Variants in EPAS1 observed in about 807,000 individuals in gnomAD.
The protein encoded by EPAS1 is endothelial PAS domain protein 1.
EPAS1 carries 23 observed loss-of-function variants against 87.9 expected under a neutral mutation model. The observed-to-expected ratio is 0.26, with a 90% CI of 0.19 to 0.37. The LOEUF (loss-of-function observed/expected upper bound fraction) is 0.37, where lower values mean the gene tolerates loss of function less well. Ranked by LOEUF, EPAS1 falls within the 10% of genes least tolerant of loss-of-function variation. The pLI, the probability that EPAS1 is intolerant of heterozygous loss-of-function variation, is 1.00. For synonymous variants in EPAS1, 508 were observed against 444.3 expected (o/e 1.14, Z -1.80); for missense variants, 1,138 against 1,120.7 (o/e 1.02, Z -0.22).
At chr2:46,377,826 G>T in intron 9 of EPAS1, 68 bp from the exon 10 acceptor site, 1 of 1,551,258 alleles carries the variant, frequency 6.4e-7, no homozygotes. Flanking sequence ...GCGGTTTTTG[G>T]GCCTCCTCTG....
chr2:46,349,122 G>A (rs1684092188), intron 2 of EPAS1, among the ~76,000 whole-genome samples: 2 of 152,182 alleles, frequency 1.3e-5, no homozygotes, highest in Admixed American at 1.3e-4. Flanking sequence ...TGCTGACAAG[G>A]GCTGGGGTAT....
intron 1 of EPAS1, chr2:46,335,601 T>A (rs1298815073): frequency 6.6e-6 from 1 of 152,106 alleles, no homozygotes; most frequent in Non-Finnish European, 1.5e-5. Flanking sequence ...TGTGGAGCAA[T>A]CTTTTGGGTA....
rs1300207330 is a variant in EPAS1 at position 46,384,901 on chromosome 2, AT to A, written c.*248del. Reference sequence around the variant, plus strand: ...CTGAAATGTTCTTAAATTTTGTAGGATTTTTTTCCTCCCCACCTTCAATGAC... The same window carrying A: ...CTGAAATGTTCTTAAATTTTGTAGGATTTTTTCCTCCCCACCTTCAATGAC... On this transcript the variant is annotated 3_prime_UTR_variant, in exon 16 of 16. Coordinates refer to ENST00000263734, the MANE Select transcript of EPAS1 (RefSeq NM_001430.5). 3 of 559,186 alleles carry A rather than the reference AT, an allele frequency of 5.4e-6. No homozygotes were observed. Among genetic ancestry groups the A allele is most frequent in the Non-Finnish European group, 9.5e-6 (3 of 315,866 alleles). The allele number at this position is 559,186 out of a possible 1,614,324, so 34.6% of individuals were successfully genotyped here.
At chr2:46,323,649 C>G (rs1340824613) in intron 1 of EPAS1, among the ~76,000 whole-genome samples, 3 of 152,230 alleles carry the variant, frequency 2.0e-5, no homozygotes, top group African/African-American at 7.2e-5. Flanking sequence ...GTCCCAAAGT[C>G]ATCCACAGAT....
In EPAS1 at chr2:46,380,746, C is replaced by T. The variant is rs754650159; in HGVS notation, c.2045+29C>T. 2 of 1,603,668 alleles carry T rather than the reference C, an allele frequency of 1.2e-6. No homozygotes were observed. The highest frequency in any genetic ancestry group is 8.5e-7 in the Non-Finnish European group (1 of 1,179,960). On this transcript the variant is annotated intron_variant, in intron 12 of 15. Transcript: ENST00000263734. This position sits in a 1 kb window ranked among gnomAD's most constrained non-coding sequence, Gnocchi z 4.4. ...AGTGGCAGATACTCAGCTGTACCAG[C>T]AGGGCCGAACCGAGAGGCACCCACT...
rs1442205062 is a variant in EPAS1, at chr2:46,369,830, C to G, written c.783C>G (p.Ile261Met). ...DMKFTYCDDR[I>M]TELIGYHPEE... Reference sequence around the variant, plus strand: ...TGCTGCCTTTTTAAAAACTCAGAATCACAGAACTGATTGGTTACCACCCTG... The same window carrying G: ...TGCTGCCTTTTTAAAAACTCAGAATGACAGAACTGATTGGTTACCACCCTG... Residue 261 changes from isoleucine to methionine, a missense_variant, in exon 7 of 16, where the codon ATC becomes ATG. Transcript: ENST00000263734. 3 of 1,612,016 alleles carry G rather than the reference C, an allele frequency of 1.9e-6. No homozygotes were observed. The highest frequency in any genetic ancestry group is 2.2e-5 in the South Asian group (2 of 90,516).
chr2:46,321,748 A>C (rs573375532), intron 1 of EPAS1, among the ~76,000 whole-genome samples: 84 of 149,680 alleles, frequency 5.6e-4, no homozygotes, highest in Non-Finnish European at 1.1e-3. Context: ...CATTGTTTAC[A>C]CCTGTGAGGC....
chr2:46,311,095 G>T (rs1030068984), intron 1 of EPAS1, among the ~76,000 whole-genome samples: 1 of 152,158 alleles, frequency 6.6e-6, no homozygotes, highest in Admixed American at 6.5e-5. Flanking sequence ...AACCAGGATG[G>T]TCTCGATCTC....
chr2:46,385,638 T>A lies in EPAS1; in HGVS notation c.*978T>A, dbSNP rs1685002334. On this transcript the variant is annotated 3_prime_UTR_variant, in exon 16 of 16. Transcript: ENST00000263734. ...AGGTGTGACAATCCGAGCAGTGGAG[T>A]CATTCAGCGGGAGCACTGCGCGCTA... 6.6e-6 allele frequency: 1 copy of A among 150,742 alleles called. No homozygotes were observed. The highest frequency in any genetic ancestry group is 1.5e-5 in the Non-Finnish European group (1 of 67,816). The allele number at this position is 150,742 out of a possible 1,614,324, so 9.3% of individuals were successfully genotyped here. A position where few individuals can be genotyped will look rare whatever the true frequency, so the allele number is the denominator to read the frequency against.
rs116457057 is a variant in EPAS1 at position 46,356,424 on chromosome 2, G to A, written c.369+122G>A. On this transcript the variant is annotated intron_variant, in intron 3 of 15. Coordinates refer to ENST00000263734, the MANE Select transcript of EPAS1 (RefSeq NM_001430.5). ...CCTGCAAATGCCCACGGTGACCCTC[G>A]CTGACCTCAGGCCACACGCCTCAGG... 2.7e-3 allele frequency: 3,496 copies of A among 1,303,462 alleles called. 47 individuals carry two copies. The African/African-American group carries it at 0.033, about 12-fold the overall frequency. The allele number at this position is 1,303,462 out of a possible 1,614,324, so 80.7% of individuals were successfully genotyped here.
intron 10 of EPAS1, 101 bp from the exon 11 acceptor site, chr2:46,378,556 T>G: frequency 1.0e-6 from 1 of 967,644 alleles, no homozygotes; most frequent in Non-Finnish European, 1.6e-6. Context: ...GGAATGGAAT[T>G]GAACCTTTGG....
At chr2:46,298,884 C>T (rs1682939636) in intron 1 of EPAS1, among the ~76,000 whole-genome samples, 1 of 152,362 alleles carries the variant, frequency 6.6e-6, no homozygotes, top group South Asian at 2.1e-4. Flanking sequence ...GTGTGCGGCT[C>T]GCCGCCTGTC....
Position 46,382,604 on chromosome 2 carries a change from T to G in EPAS1, c.2461+6T>G. ...GTCAGCCCACAAGGTGTCAGGTGGG[T>G]GTGCCCAGGATCTGTCACCCCCATC... is the stretch of plus-strand genomic sequence containing the variant. On this transcript the variant is annotated splice_donor_region_variant and intron_variant, in intron 15 of 15. Coordinates refer to ENST00000263734, the MANE Select transcript of EPAS1 (RefSeq NM_001430.5). 6.2e-7 allele frequency: 1 copy of G among 1,613,980 alleles called. No individual in the cohort carries two copies. Among genetic ancestry groups the G allele is most frequent in the Non-Finnish European group, 8.5e-7 (1 of 1,180,016 alleles).
intron 1 of EPAS1, among the ~76,000 whole-genome samples, chr2:46,302,800 G>C (rs115340113): frequency 6.6e-6 from 1 of 151,830 alleles, no homozygotes; most frequent in South Asian, 2.1e-4. Flanking sequence ...GGGGTTGGGC[G>C]TGGTAACTCA....
chr2:46,366,441 T>G (rs1451390905), intron 6 of EPAS1, among the ~76,000 whole-genome samples: 1 of 152,206 alleles, frequency 6.6e-6, no homozygotes. Flanking sequence ...AACAACCCCC[T>G]TTAAAGCTGT....
chr2:46,349,359 T>A (rs1684099277), intron 2 of EPAS1, among the ~76,000 whole-genome samples: 1 of 152,204 alleles, frequency 6.6e-6, no homozygotes, highest in Non-Finnish European at 1.5e-5. Flanking sequence ...CCTGAGCACA[T>A]CTACCTGTGT....
chr2:46,307,784 G>C (rs1213372852), intron 1 of EPAS1, among the ~76,000 whole-genome samples: 1 of 152,212 alleles, frequency 6.6e-6, no homozygotes, highest in Non-Finnish European at 1.5e-5. Flanking sequence ...TCCCCCAGAA[G>C]AGGTCCACAT....
intron 2 of EPAS1, among the ~76,000 whole-genome samples, chr2:46,348,614 A>G (rs1401996511): frequency 6.6e-6 from 1 of 152,140 alleles, no homozygotes; most frequent in East Asian, 1.9e-4. Context: ...TGGATTAATC[A>G]TTGCTTCTTT....
chr2:46,381,049 C>T (rs1684878581), intron 12 of EPAS1: 9 of 414,372 alleles, frequency 2.2e-5, no homozygotes, highest in South Asian at 2.1e-4. Flanking sequence ...TGATGATTTT[C>T]CCTGGTTGAA....
Sources: gnomAD v4.1 joint callset for allele counts (sites outside exome capture counted in the v4.1 genomes callset) on GRCh38, gnomAD v4.1.1 for gene constraint, Gnocchi (gnomAD v3.1) non-coding constraint, MANE v1.5 for transcripts, NCBI Gene and HGNC (gene_info 2026-07-23, HGNC 2026-07-21) for gene names.